Variants in ATP6V0A4 observed in about 807,000 individuals in gnomAD.
ATP6V0A4 encodes the protein V-type proton ATPase 116 kDa subunit a 4.
In ATP6V0A4, 86 loss-of-function variants were observed where a neutral mutation model predicts 107.3. The observed-to-expected ratio is 0.80, with a 90% CI of 0.67 to 0.96. The LOEUF is 0.96. Ranked by LOEUF, ATP6V0A4 falls within the 40% of genes least tolerant of loss-of-function variation. The pLI, the probability that ATP6V0A4 is intolerant of heterozygous loss-of-function variation, is 0.00. For missense variants in ATP6V0A4, 908 were observed against 1,045.6 expected, an observed-to-expected ratio of 0.87 and a Z score of 1.81; for synonymous variants, 353 against 381.4, an observed-to-expected ratio of 0.93 and a Z score of 0.87.
chr7:138,760,502 G>T (rs1473651650), intron 7 of ATP6V0A4, among the ~76,000 whole-genome samples: 1 of 149,344 alleles, frequency 6.7e-6, no homozygotes, highest in Non-Finnish European at 1.5e-5. Flanking sequence ...TGTAGCTAAT[G>T]ATAGCAAATA....
chr7:138,792,202 G>A (rs1475777682), intron 1 of ATP6V0A4, among the ~76,000 whole-genome samples: 1 of 152,126 alleles, frequency 6.6e-6, no homozygotes, highest in Non-Finnish European at 1.5e-5. Flanking sequence ...CAGCTACTCG[G>A]GAGGCTGAGG....
At chr7:138,740,999 T>G (rs1452434591) in intron 14 of ATP6V0A4, among the ~76,000 whole-genome samples, 1 of 151,484 alleles carries the variant, frequency 6.6e-6, no homozygotes, top group East Asian at 2.0e-4. Context: ...CAAAAATTAG[T>G]TGGGCGTGGT....
At chr7:138,797,502 C>G (rs2130252315) in intron 1 of ATP6V0A4, among the ~76,000 whole-genome samples, 1 of 151,968 alleles carries the variant, frequency 6.6e-6, no homozygotes, top group South Asian at 2.1e-4. Context: ...ACAGGGTGAG[C>G]CCCCATGCCC....
intron 14 of ATP6V0A4, among the ~76,000 whole-genome samples, chr7:138,741,592 A>T (rs545578358): frequency 6.6e-6 from 1 of 152,326 alleles, no homozygotes; most frequent in South Asian, 2.1e-4. Context: ...TTCCACAATC[A>T]TACCTCGATA....
intron 17 of ATP6V0A4, among the ~76,000 whole-genome samples, 153 bp downstream of exon 17, chr7:138,732,724 G>A (rs1805082621): frequency 6.6e-6 from 1 of 151,684 alleles, no homozygotes; most frequent in African/African-American, 2.4e-5. Context: ...AACCCAGGAG[G>A]TGGAGGTTGC....
Position 138,798,120 on chromosome 7 carries a change from G to T in ATP6V0A4, c.-207C>A, listed in dbSNP as rs1178597548. ...AGCCTCCAGCATGCAGCGCCTCCCCGCTGCCACCCGGGCCACCCTGATCCT... is the reference window on the plus strand; with the variant it reads ...AGCCTCCAGCATGCAGCGCCTCCCCTCTGCCACCCGGGCCACCCTGATCCT... On this transcript the variant is annotated 5_prime_UTR_variant, in exon 1 of 22. Transcript: ENST00000310018. 10 of 1,600,054 alleles carry T rather than the reference G, an allele frequency of 6.2e-6. No homozygotes were observed. In the Admixed American group the frequency reaches 8.7e-5, roughly 14 times the overall value.
intron 12 of ATP6V0A4, 117 bp downstream of exon 12, chr7:138,749,050 T>C (rs1806096206): frequency 2.2e-6 from 3 of 1,338,130 alleles, no homozygotes; most frequent in Non-Finnish European, 3.2e-6. Flanking sequence ...CCACAGCTAC[T>C]ACCCTAGCCC....
intron 21 of ATP6V0A4, among the ~76,000 whole-genome samples, chr7:138,707,174 ATT>A (rs1491267051): frequency 1.7e-5 from 1 of 58,998 alleles, no homozygotes; most frequent in Non-Finnish European, 2.9e-5. Flanking sequence ...TATTATATAT[ATT>A]ATATAATATA....
At chr7:138,774,116 C>G (rs2117345077) in intron 2 of ATP6V0A4, 1 of 152,444 alleles carries the variant, frequency 6.6e-6, no homozygotes, top group African/African-American at 2.4e-5. Context: ...CCACCTGTGC[C>G]CTCTGCCATG....
At chr7:138,729,495 T>C (rs576288982) in intron 17 of ATP6V0A4, among the ~76,000 whole-genome samples, 5 of 152,268 alleles carry the variant, frequency 3.3e-5, no homozygotes, top group African/African-American at 1.2e-4. Context: ...TCTCTCGCCT[T>C]CCCTTTGGAG....
intron 2 of ATP6V0A4, among the ~76,000 whole-genome samples, chr7:138,778,231 C>T (rs924437307): frequency 1.8e-4 from 27 of 151,868 alleles, no homozygotes; most frequent in African/African-American, 6.1e-4. Flanking sequence ...AAAAAATTAG[C>T]GGGGCGTGGT....
At chr7:138,792,294 A>T (rs1808454777) in intron 1 of ATP6V0A4, among the ~76,000 whole-genome samples, 1 of 152,166 alleles carries the variant, frequency 6.6e-6, no homozygotes, top group Non-Finnish European at 1.5e-5. Context: ...CGAGTGGGTA[A>T]ATGGAGTTAA....
intron 1 of ATP6V0A4, among the ~76,000 whole-genome samples, chr7:138,794,300 G>C (rs549762408): frequency 6.6e-6 from 1 of 152,178 alleles, no homozygotes; most frequent in Non-Finnish European, 1.5e-5. Context: ...GGGTTAACTG[G>C]AGATGAAAAA....
At chr7:138,778,660 A>G (rs184490173) in intron 2 of ATP6V0A4, among the ~76,000 whole-genome samples, 5 of 152,272 alleles carry the variant, frequency 3.3e-5, no homozygotes, top group Admixed American at 3.3e-4. Flanking sequence ...ACTTTCAGAC[A>G]ATAATCACGC....
At chr7:138,793,570 G>A (rs1808522995) in intron 1 of ATP6V0A4, among the ~76,000 whole-genome samples, 1 of 152,108 alleles carries the variant, frequency 6.6e-6, no homozygotes, top group Non-Finnish European at 1.5e-5. Flanking sequence ...CCGGAGCACT[G>A]ACCCCACAAC....
intron 16 of ATP6V0A4, among the ~76,000 whole-genome samples, chr7:138,733,918 G>A (rs1805166815): frequency 6.6e-6 from 1 of 152,020 alleles, no homozygotes; most frequent in Non-Finnish European, 1.5e-5. Flanking sequence ...GGGGCCAGAG[G>A]AGCACTTACC....
intron 2 of ATP6V0A4, among the ~76,000 whole-genome samples, chr7:138,782,638 T>C (rs906104222): frequency 2.0e-5 from 3 of 152,104 alleles, no homozygotes; most frequent in African/African-American, 7.2e-5. Flanking sequence ...AGAAAATGTC[T>C]TGAGAATCAT....
intron 2 of ATP6V0A4, among the ~76,000 whole-genome samples, chr7:138,772,539 T>C (rs1026351528): frequency 3.9e-5 from 6 of 152,162 alleles, no homozygotes; most frequent in Admixed American, 3.9e-4. Flanking sequence ...TAAGTGTGTA[T>C]TGACACTGCT....
chr7:138,711,180 CA>C (rs1803720923), intron 20 of ATP6V0A4, among the ~76,000 whole-genome samples: 1 of 151,992 alleles, frequency 6.6e-6, no homozygotes, highest in Non-Finnish European at 1.5e-5. Context: ...TGGAGTCTCT[CA>C]AAGGCTGACA....
Sources: gnomAD v4.1 joint callset for allele counts (sites outside exome capture counted in the v4.1 genomes callset) on GRCh38, gnomAD v4.1.1 for gene constraint, MANE v1.5 for transcripts, NCBI Gene and HGNC (gene_info 2026-07-23, HGNC 2026-07-21) for gene names.